The following COL17A1 variants were observed in gnomAD, a reference collection of about 807,000 sequenced individuals.
The protein encoded by COL17A1 is collagen alpha-1(XVII) chain.
A neutral mutation model predicts 218.4 loss-of-function variants in COL17A1; 181 were observed. That is an observed-to-expected ratio of 0.83 (90% CI 0.73 to 0.94). The LOEUF (loss-of-function observed/expected upper bound fraction) is 0.94, where lower values mean the gene tolerates loss of function less well. Ranked by LOEUF, COL17A1 falls within the 40% of genes least tolerant of loss-of-function variation. The pLI is 0.00. For missense variants in COL17A1, 1,924 were observed against 1,945.9 expected (o/e 0.99, Z 0.21); for synonymous variants, 721 against 731.0 (o/e 0.99, Z 0.22).
At chr10:104,052,018 C>T in intron 24 of COL17A1, 137 bp downstream of exon 24, 3 of 1,185,592 alleles carry the variant, frequency 2.5e-6, no homozygotes, top group East Asian at 2.3e-5. Context: ...GCTCTTTGGA[C>T]CCACCCACCA....
At chr10:104,063,534 G>A (rs973433077) in intron 11 of COL17A1, 37 of 684,012 alleles carry the variant, frequency 5.4e-5, no homozygotes, top group South Asian at 4.9e-4. Flanking sequence ...CTTAGAATAC[G>A]CACGTCAATG....
intron 24 of COL17A1, among the ~76,000 whole-genome samples, chr10:104,051,936 G>T (rs1308204320): frequency 1.3e-5 from 2 of 152,132 alleles, no homozygotes; most frequent in Non-Finnish European, 2.9e-5. Context: ...TGGAAACATG[G>T]CCCCAAGCCC....
intron 4 of COL17A1, among the ~76,000 whole-genome samples, chr10:104,076,765 G>C (rs577351397): frequency 6.6e-6 from 1 of 152,316 alleles, no homozygotes; most frequent in South Asian, 2.1e-4. Context: ...GGTCAACCTG[G>C]CTGTTCTAAT....
At chr10:104,065,849 G>A (rs2134637501) in intron 9 of COL17A1, among the ~76,000 whole-genome samples, 1 of 152,346 alleles carries the variant, frequency 6.6e-6, no homozygotes, top group Middle Eastern at 3.4e-3. Flanking sequence ...CCCCAGGCCA[G>A]GATAGATCTG....
chr10:104,052,237 T>A lies in COL17A1; in HGVS notation c.1940-20A>T. On this transcript the variant is annotated intron_variant, in intron 23 of 55. Coordinates refer to ENST00000648076, the MANE Select transcript of COL17A1 (RefSeq NM_000494.4). ...CAGCCCCTGAGGAGAAATGGAGGGA[T>A]GAGCACTTTGGGAGAGGCCCCAGTG... is the stretch of plus-strand genomic sequence containing the variant. 6.2e-7 allele frequency: 1 copy of A among 1,614,094 alleles called. No homozygotes were observed. Among genetic ancestry groups the A allele is most frequent in the Non-Finnish European group, 8.5e-7 (1 of 1,179,980 alleles).
chr10:104,069,023 A>G (rs930303839), intron 9 of COL17A1, among the ~76,000 whole-genome samples: 2 of 152,212 alleles, frequency 1.3e-5, no homozygotes, highest in Non-Finnish European at 2.9e-5. Flanking sequence ...ATGCAATACT[A>G]AAAAATTATG....
chr10:104,038,231 TACACAC>T (rs59808906), intron 45 of COL17A1, among the ~76,000 whole-genome samples, 169 bp downstream of exon 45: 2,663 of 141,994 alleles, frequency 0.019, 59 homozygotes, highest in African/African-American at 0.048. Flanking sequence ...TAGACACACA[TACACAC>T]ACACACACAC....
Position 104,062,279 on chromosome 10 carries a change from C to T in COL17A1, c.889G>A (p.Gly297Ser), listed in dbSNP as rs2086589628. 1.2e-6 allele frequency: 2 copies of T among 1,614,066 alleles called. No homozygotes were observed. The highest frequency in any genetic ancestry group is 2.2e-5 in the East Asian group (1 of 44,898). Residue 297 changes from glycine (G) to serine (S), a missense_variant, in exon 12 of 56, where the codon GGC becomes AGC. Gly to Ser is a moderately conservative substitution (Grantham distance 56, BLOSUM62 0). Transcript: ENST00000648076. ...TGACCTGTGGAAGTGGTGGTGGTGC[C>T]ATGGGACAGGGTGGTCAAGCTGGGG... ...LAPSLTTLSH[G>S]TTTTSTAYGV... is the part of the protein sequence containing the mutation.
At chr10:104,038,072 G>A (rs2086318751) in intron 45 of COL17A1, among the ~76,000 whole-genome samples, 1 of 152,336 alleles carries the variant, frequency 6.6e-6, no homozygotes, top group Admixed American at 6.5e-5. Context: ...AAGCATGTGC[G>A]TGTAGGGGAT....
At chr10:104,073,093 C>A in intron 7 of COL17A1, 117 bp downstream of exon 7, 1 of 945,298 alleles carries the variant, frequency 1.1e-6, no homozygotes, top group South Asian at 1.3e-5. Context: ...AAGCAGAAAG[C>A]ATGCCTTATT....
At chr10:104,057,578 C>T (rs2086542733) in intron 16 of COL17A1, among the ~76,000 whole-genome samples, 1 of 151,142 alleles carries the variant, frequency 6.6e-6, no homozygotes, top group Admixed American at 6.7e-5. Context: ...TGACTGGGCC[C>T]AAACCTAGAG....
intron 35 of COL17A1, 117 bp from the exon 36 acceptor site, chr10:104,042,572 AT>A (rs2086370922): frequency 1.0e-6 from 1 of 979,442 alleles, no homozygotes; most frequent in East Asian, 2.5e-5. Flanking sequence ...CACCTTGCTT[AT>A]TTGAGAGCAA....
chr10:104,035,112 C>G, intron 50 of COL17A1, 151 bp downstream of exon 50: 1 of 761,874 alleles, frequency 1.3e-6, no homozygotes, highest in Middle Eastern at 3.6e-4. Flanking sequence ...GCTGAAGGCC[C>G]CTTGCCAGCA....
chr10:104,056,846 G>A, intron 17 of COL17A1, 129 bp downstream of exon 17: 3 of 1,523,084 alleles, frequency 2.0e-6, no homozygotes, highest in South Asian at 2.4e-5. Context: ...ACAAGGGTCT[G>A]CACCAATGCA....
Position 104,039,139 on chromosome 10 carries a change from A to G in COL17A1, c.2897-18T>C. ...TGGATCACCTGGAATCCAAAATGAG[A>G]AGTTTGCCTCACCTCCTCCAGGAAG... On this transcript the variant is annotated intron_variant, in intron 43 of 55. Transcript: ENST00000648076. 1 of 1,613,934 alleles carries G rather than the reference A, an allele frequency of 6.2e-7. No individual in the cohort carries two copies. Among genetic ancestry groups the G allele is most frequent in the South Asian group, 1.1e-5 (1 of 91,064 alleles).
At chr10:104,060,464 C>A (rs1460698373) in intron 13 of COL17A1, among the ~76,000 whole-genome samples, 184 bp from the exon 14 acceptor site, 3 of 152,124 alleles carry the variant, frequency 2.0e-5, no homozygotes, top group Non-Finnish European at 2.9e-5. Context: ...ACCAAGGACA[C>A]CCTCTATGCC....
intron 34 of COL17A1, 55 bp downstream of exon 34, chr10:104,043,770 A>C (rs2086384131): frequency 6.2e-7 from 1 of 1,600,156 alleles, no homozygotes. Context: ...GAGTCAAGGT[A>C]GGTGCCCAGT....
chr10:104,062,995 C>G (rs1404148893), intron 11 of COL17A1, among the ~76,000 whole-genome samples: 1 of 152,190 alleles, frequency 6.6e-6, no homozygotes, highest in Non-Finnish European at 1.5e-5. Flanking sequence ...AGCAAAATAG[C>G]AAAGGCAGAA....
Position 104,055,781 on chromosome 10 carries a change from C to A in COL17A1, c.1687+1G>T, listed in dbSNP as rs1564679226. The A allele has an allele frequency of 2.5e-6, 4 of 1,614,038 alleles. No individual in the cohort carries two copies. The highest frequency in any genetic ancestry group is 3.4e-6 in the Non-Finnish European group (4 of 1,180,044). On this transcript the variant is annotated splice_donor_variant, in intron 18 of 55. Coordinates refer to ENST00000648076, the MANE Select transcript of COL17A1 (RefSeq NM_000494.4). LOFTEE classifies it high-confidence loss of function. The stretch of plus-strand genomic sequence containing the variant: ...GGCCCTGTGCCCGGCGATGCTCTCA[C>A]CATTTTCCTGTTCCATCATTAGCTT...
Sources: gnomAD v4.1 joint callset for allele counts (sites outside exome capture counted in the v4.1 genomes callset) on GRCh38, gnomAD v4.1.1 for gene constraint, MANE v1.5 for transcripts, NCBI Gene and HGNC (gene_info 2026-07-23, HGNC 2026-07-21) for gene names.